The following AK1 variants were observed in gnomAD, a reference collection of about 807,000 sequenced individuals.
AK1 encodes the protein adenylate kinase 1.
A neutral mutation model predicts 23.9 loss-of-function variants in AK1; 13 were observed. The observed-to-expected ratio is 0.54, with a 90% CI of 0.35 to 0.86. The LOEUF (loss-of-function observed/expected upper bound fraction) is 0.86, where lower values mean the gene tolerates loss of function less well. AK1 is among the 40% of genes least tolerant of loss of function. The pLI is 0.01. For synonymous variants in AK1, 97 were observed against 102.8 expected, an observed-to-expected ratio of 0.94 and a Z score of 0.34; for missense variants, 214 against 255.1, an observed-to-expected ratio of 0.84 and a Z score of 1.10.
chr9:127,868,391 C>A lies in AK1; in HGVS notation c.446G>T (p.Arg149Leu). Residue 149 changes from arginine (R) to leucine (L), a missense_variant, in exon 6 of 7, where the codon CGG becomes CTG. Arg to Leu is a moderately radical substitution (Grantham distance 102). Transcript: ENST00000644144. The surrounding 1 kb of genome is among the most constrained non-coding windows in gnomAD (Gnocchi z 4.1). ...TGTGGCCTTGTAATAGGTCTCCAGCCGCTTTTTGATGGTCTCCTCATTGTC... is the reference window on the plus strand; with the variant it reads ...TGTGGCCTTGTAATAGGTCTCCAGCAGCTTTTTGATGGTCTCCTCATTGTC... ...VDDNEETIKK[R>L]LETYYKATEP... 6.2e-7 allele frequency: 1 copy of A among 1,612,488 alleles called. No homozygotes were observed. Among genetic ancestry groups the A allele is most frequent in the Non-Finnish European group, 8.5e-7 (1 of 1,179,418 alleles).
In AK1 at chr9:127,867,037, G is replaced by A. The variant is rs879036446; in HGVS notation, c.*971C>T. On this transcript the variant is annotated 3_prime_UTR_variant, in exon 7 of 7. Coordinates refer to ENST00000644144, the MANE Select transcript of AK1 (RefSeq NM_000476.3). ...TTTTTTTTTTTTTTTTTGAGACGGA[G>A]TCTTGCTCTGTCACCCAGGCTGGAG... is the stretch of plus-strand genomic sequence containing the variant. 2 of 141,654 alleles carry A rather than the reference G, an allele frequency of 1.4e-5. No homozygotes were observed. The highest frequency in any genetic ancestry group is 2.2e-4 in the South Asian group (1 of 4,532). 8.8% of individuals were successfully genotyped at this position (141,654 alleles called of 1,614,324 possible).
rs944576937 is a variant in AK1, at chr9:127,867,890, G to A, written c.*118C>T. 23 of 961,354 alleles carry A rather than the reference G, an allele frequency of 2.4e-5. No homozygotes were observed. The highest frequency in any genetic ancestry group is 3.2e-5 in the Non-Finnish European group (19 of 596,372). The allele number at this position is 961,354 out of a possible 1,614,324, so 59.6% of individuals were successfully genotyped here. A position where few individuals can be genotyped will look rare whatever the true frequency, so the allele number is the denominator to read the frequency against. On this transcript the variant is annotated 3_prime_UTR_variant, in exon 7 of 7. Transcript: ENST00000644144. Reference sequence around the variant, plus strand: ...AGCTGTCCATGAAAACAGGATAAGCGGCTTCCTCCGTCTGTGCTCAGCAGG... The same window carrying A: ...AGCTGTCCATGAAAACAGGATAAGCAGCTTCCTCCGTCTGTGCTCAGCAGG...
Position 127,872,670 on chromosome 9 carries a change from C to T in AK1, c.207+20G>A, listed in dbSNP as rs563052949. On this transcript the variant is annotated intron_variant, in intron 4 of 6. Coordinates refer to ENST00000644144, the MANE Select transcript of AK1 (RefSeq NM_000476.3). ...GGCTACTGTCATCCCCTGCCTCTCA[C>T]CCCACCAGGGCCCACTCACCAGTGG... The T allele has an allele frequency of 5.6e-6, 9 of 1,613,724 alleles. No homozygotes were observed. In the East Asian group the frequency reaches 1.8e-4, roughly 32 times the overall value.
Position 127,866,668 on chromosome 9 carries a change from C to T in AK1, c.*1340G>A, listed in dbSNP as rs1323533817. 3 of 152,170 alleles carry T rather than the reference C, an allele frequency of 2.0e-5. No individual in the cohort carries two copies. Among genetic ancestry groups the T allele is most frequent in the Non-Finnish European group, 4.4e-5 (3 of 68,038 alleles). 9.4% of individuals were successfully genotyped at this position (152,170 alleles called of 1,614,324 possible). ...TGGGCCAGATCAGGTGTTAAGGACACGTGAGCACCAAATTGAGCCTTTCTC... is the reference window on the plus strand; with the variant it reads ...TGGGCCAGATCAGGTGTTAAGGACATGTGAGCACCAAATTGAGCCTTTCTC... On this transcript the variant is annotated 3_prime_UTR_variant, in exon 7 of 7. Coordinates refer to ENST00000644144, the MANE Select transcript of AK1 (RefSeq NM_000476.3).
In AK1 at chr9:127,868,305, G is replaced by A; in HGVS notation, c.516+16C>T. The A allele has an allele frequency of 1.9e-6, 3 of 1,562,444 alleles. No homozygotes were observed. The highest frequency in any genetic ancestry group is 2.4e-5 in the East Asian group (1 of 42,284). On this transcript the variant is annotated intron_variant, in intron 6 of 6. Transcript: ENST00000644144. This position sits in a 1 kb window ranked among gnomAD's most constrained non-coding sequence, Gnocchi z 4.1. The stretch of plus-strand genomic sequence containing the variant: ...CCCGTTCTTCCCGGAGCTGCCCCTG[G>A]GCCCGCGGGGCCCACCTTGCGCACA...
upstream of AK1, among the ~76,000 whole-genome samples, chr9:127,878,766 A>G (rs1369113182): frequency 6.6e-6 from 1 of 152,200 alleles, no homozygotes; most frequent in African/African-American, 2.4e-5. Context: ...GTGATGTCAG[A>G]TAAGTCCTTA....
intron 5 of AK1, among the ~76,000 whole-genome samples, chr9:127,870,750 C>T (rs1324569105): frequency 6.6e-6 from 1 of 151,986 alleles, no homozygotes; most frequent in Non-Finnish European, 1.5e-5. Context: ...AAAATATGGC[C>T]TCCTATCCCC....
intron 5 of AK1, among the ~76,000 whole-genome samples, chr9:127,870,824 ATGGG>A (rs1564472205): frequency 6.9e-6 from 1 of 144,036 alleles, no homozygotes; most frequent in African/African-American, 2.6e-5. Context: ...GGAATGGGGC[ATGGG>A]AATGGGGCAT....
chr9:127,876,605 G>A (rs961164974), intron 1 of AK1, among the ~76,000 whole-genome samples: 3 of 152,284 alleles, frequency 2.0e-5, no homozygotes, highest in South Asian at 2.1e-4. Flanking sequence ...GAGGGGGAGC[G>A]TCCTGGGCCA....
rs375517545 is a variant in AK1, at chr9:127,868,326, G to A, written c.511C>T (p.Arg171Cys). Reference sequence around the variant, plus strand: ...CCTGGGCCCGCGGGGCCCACCTTGCGCACAATGCCACGTTTCTCATAGAAG... The same window carrying A: ...CCTGGGCCCGCGGGGCCCACCTTGCACACAATGCCACGTTTCTCATAGAAG... ...IAFYEKRGIV[R>C]KVNAEGSVDS... Residue 171 changes from arginine to cysteine, a missense_variant, in exon 6 of 7, where the codon CGC becomes TGC. By Grantham distance (180) the Arg-to-Cys change is radical. Transcript: ENST00000644144. The surrounding 1 kb of genome is among the most constrained non-coding windows in gnomAD (Gnocchi z 4.1). 175 of 1,585,868 alleles carry A rather than the reference G, an allele frequency of 1.1e-4. No homozygotes were observed. Among genetic ancestry groups the A allele is most frequent in the South Asian group, 3.2e-4 (28 of 87,708 alleles).
chr9:127,870,478 C>T (rs898251397), intron 5 of AK1, among the ~76,000 whole-genome samples: 2 of 152,100 alleles, frequency 1.3e-5, no homozygotes, highest in Non-Finnish European at 1.5e-5. Context: ...GGATCTCAGG[C>T]GTGAGCCACT....
rs1312694571 is a variant in AK1, at chr9:127,871,717, G to GC, written c.324+105dup. 1.1e-6 allele frequency: 1 copy of GC among 901,568 alleles called. No individual in the cohort carries two copies. Among genetic ancestry groups the GC allele is most frequent in the Non-Finnish European group, 1.9e-6 (1 of 539,660 alleles). 55.8% of individuals were successfully genotyped at this position (901,568 alleles called of 1,614,324 possible). On this transcript the variant is annotated intron_variant, in intron 5 of 6. Transcript: ENST00000644144. The surrounding 1 kb of genome is among the most constrained non-coding windows in gnomAD (Gnocchi z 4.4). ...ACCCACACTCCATGAATCAGCCTCT[G>GC]CTCAGAACTCTGACCTGCATCACAG...
rs769429363 is a variant in AK1 at position 127,871,952 on chromosome 9, A to G, written c.208-13T>C. ...CCAACACTGTCTCCTGGGGCACAGC[A>G]AAGGAGGAAGGGGCCATGAGCCTCT... is the stretch of plus-strand genomic sequence containing the variant. On this transcript the variant is annotated splice_polypyrimidine_tract_variant and intron_variant, in intron 4 of 6. Transcript: ENST00000644144. This position sits in a 1 kb window ranked among gnomAD's most constrained non-coding sequence, Gnocchi z 4.4. 18 of 1,606,870 alleles carry G rather than the reference A, an allele frequency of 1.1e-5. No homozygotes were observed. Among genetic ancestry groups the G allele is most frequent in the South Asian group, 4.4e-5 (4 of 90,918 alleles).
At chr9:127,874,307 G>C (rs575538809) in intron 2 of AK1, 286 of 985,406 alleles carry the variant, frequency 2.9e-4, no homozygotes, top group Non-Finnish European at 3.2e-4. Flanking sequence ...CATTAGACCT[G>C]GTGTTTTGTG....
At chr9:127,870,818 T>C (rs367618945) in intron 5 of AK1, among the ~76,000 whole-genome samples, 9 of 17,348 alleles carry the variant, frequency 5.2e-4, no homozygotes, top group African/African-American at 3.2e-4. Context: ...GGCATGGGAA[T>C]GGGGCATGGG....
At chr9:127,874,485 AG>A in intron 2 of AK1, 125 bp downstream of exon 2, 1 of 1,601,812 alleles carries the variant, frequency 6.2e-7, no homozygotes, top group South Asian at 1.1e-5. Context: ...GCTCCCAGCC[AG>A]GCCCCCTCCG....
chr9:127,873,756 A>G, intron 2 of AK1: 2 of 985,318 alleles, frequency 2.0e-6, no homozygotes, highest in Non-Finnish European at 2.4e-6. Context: ...CAGAACCAAA[A>G]CCAGAACCCA....
chr9:127,876,176 T>A (rs1829534098), intron 1 of AK1, among the ~76,000 whole-genome samples: 1 of 152,150 alleles, frequency 6.6e-6, no homozygotes, highest in Non-Finnish European at 1.5e-5. Context: ...AGGTGCCACC[T>A]CCTTCAGGAA....
chr9:127,867,971 G>A lies in AK1; in HGVS notation c.*37C>T, dbSNP rs1435522755. ...AGGACCTCGAATCAGGACGGGGTGG[G>A]GCGGGGCTCTGAGCTGGGGAAGCGG... On this transcript the variant is annotated 3_prime_UTR_variant, in exon 7 of 7. Coordinates refer to ENST00000644144, the MANE Select transcript of AK1 (RefSeq NM_000476.3). The A allele has an allele frequency of 3.1e-6, 5 of 1,607,042 alleles. No individual in the cohort carries two copies. The highest frequency in any genetic ancestry group is 3.4e-6 in the Non-Finnish European group (4 of 1,173,582).
Sources: gnomAD v4.1 joint callset for allele counts (sites outside exome capture counted in the v4.1 genomes callset) on GRCh38, gnomAD v4.1.1 for gene constraint, Gnocchi (gnomAD v3.1) non-coding constraint, MANE v1.5 for transcripts, NCBI Gene and HGNC (gene_info 2026-07-23, HGNC 2026-07-21) for gene names.